SPAG16: variants seen among roughly 807,000 people sequenced by gnomAD.
SPAG16 encodes the protein sperm associated antigen 16.
In SPAG16, 86 loss-of-function variants were observed where a neutral mutation model predicts 80.4. The ratio of observed to expected loss-of-function variants is 1.07; its 90% CI spans 0.90 to 1.28. The LOEUF is 1.28. Ranked by LOEUF, SPAG16 falls within the 50% of genes most tolerant of loss-of-function variation. The pLI is 0.00. For synonymous variants in SPAG16, 294 were observed against 265.9 expected (o/e 1.11, Z -1.03); for missense variants, 870 against 765.3 (o/e 1.14, Z -1.61).
chr2:214,289,010 C>T (rs1300721141), intron 15 of SPAG16, among the ~76,000 whole-genome samples: 3 of 151,974 alleles, frequency 2.0e-5, no homozygotes, highest in Admixed American at 1.3e-4. Flanking sequence ...CCTCGTGATC[C>T]ACCTGCTTTG....
chr2:214,299,512 G>A (rs966750788), intron 15 of SPAG16, among the ~76,000 whole-genome samples: 3 of 151,998 alleles, frequency 2.0e-5, no homozygotes, highest in African/African-American at 7.2e-5. Flanking sequence ...CCTCAAAAGT[G>A]CTGGGATTAC....
At chr2:213,458,634 T>C (rs2072180622) in intron 9 of SPAG16, among the ~76,000 whole-genome samples, 1 of 152,196 alleles carries the variant, frequency 6.6e-6, no homozygotes, top group Non-Finnish European at 1.5e-5. Flanking sequence ...TTTCATTTTG[T>C]TTAAAAATGC....
intron 13 of SPAG16, among the ~76,000 whole-genome samples, chr2:214,040,464 G>T (rs147456748): frequency 5.3e-5 from 8 of 151,910 alleles, no homozygotes; most frequent in Non-Finnish European, 1.2e-4. Context: ...CAAAATCCCC[G>T]GTGTGTATTG....
At chr2:214,203,297 G>T (rs1378503422) in intron 15 of SPAG16, among the ~76,000 whole-genome samples, 2 of 152,042 alleles carry the variant, frequency 1.3e-5, no homozygotes, top group African/African-American at 4.8e-5. Context: ...TAAGTTGAAG[G>T]GGGGAAATGG....
intron 15 of SPAG16, among the ~76,000 whole-genome samples, chr2:214,153,182 A>G (rs1264249895): frequency 6.6e-6 from 1 of 151,974 alleles, no homozygotes; most frequent in African/African-American, 2.4e-5. Context: ...CCGCCTGGCA[A>G]TGGGTGTCTT....
chr2:213,833,103 C>T lies in SPAG16; in HGVS notation c.1071-29382C>T, dbSNP rs545332247. The stretch of plus-strand genomic sequence containing the variant: ...TCTTCCTTCATTTTAATTATTCTTT[C>T]TGGAAACCACACTTTTAATATATTT... On this transcript the variant is annotated intron_variant, in intron 10 of 15. Coordinates refer to ENST00000331683, the MANE Select transcript of SPAG16 (RefSeq NM_024532.5). 9.9e-5 allele frequency among the ~76,000 whole-genome samples: 15 copies of T among 151,718 alleles called. No homozygotes were observed. The East Asian group carries it at 2.9e-3, about 30-fold the overall frequency.
At chr2:214,348,848 C>T (rs1698222710) in intron 15 of SPAG16, among the ~76,000 whole-genome samples, 2 of 152,152 alleles carry the variant, frequency 1.3e-5, no homozygotes, top group African/African-American at 4.8e-5. Context: ...GTATAAGCCT[C>T]TAAGTTTTGG....
intron 10 of SPAG16, among the ~76,000 whole-genome samples, chr2:213,729,666 T>C (rs375571216): frequency 2.0e-5 from 3 of 152,344 alleles, no homozygotes; most frequent in African/African-American, 7.2e-5. Flanking sequence ...TAAGAATTTC[T>C]ACCGATTAAT....
Position 213,303,524 on chromosome 2 carries a change from A to G in SPAG16, c.279+6167A>G, listed in dbSNP as rs150661861. ...GACTATATTTTTGTACCCATTAACCATCCCCTCTCCCCTCCCCAGCCTCTG... is the reference window on the plus strand; with the variant it reads ...GACTATATTTTTGTACCCATTAACCGTCCCCTCTCCCCTCCCCAGCCTCTG... On this transcript the variant is annotated intron_variant, in intron 3 of 15. Transcript: ENST00000331683. Among the ~76,000 whole-genome samples the G allele has an allele frequency of 6.5e-4, 98 of 151,762 alleles. No individual in the cohort carries two copies. In the East Asian group the frequency reaches 0.018, roughly 28 times the overall value.
intron 10 of SPAG16, among the ~76,000 whole-genome samples, chr2:213,498,856 A>G (rs1395570606): frequency 6.6e-6 from 1 of 152,096 alleles, no homozygotes; most frequent in Non-Finnish European, 1.5e-5. Flanking sequence ...TATGTCCAAA[A>G]TGAGTTGTTC....
intron 14 of SPAG16, among the ~76,000 whole-genome samples, chr2:214,135,924 T>G (rs1465985673): frequency 6.6e-6 from 1 of 152,078 alleles, no homozygotes; most frequent in East Asian, 1.9e-4. Context: ...GAAAAGAGCT[T>G]TGGGTGGCTC....
At chr2:214,081,278 CTGTTGTTG>C (rs1398616197) in intron 13 of SPAG16, among the ~76,000 whole-genome samples, 1 of 152,112 alleles carries the variant, frequency 6.6e-6, no homozygotes, top group Admixed American at 6.6e-5. Context: ...AACAAAATCT[CTGTTGTTG>C]GTTGAATTGT....
chr2:213,840,742 C>T (rs2074320755), intron 10 of SPAG16, among the ~76,000 whole-genome samples: 2 of 152,002 alleles, frequency 1.3e-5, no homozygotes, highest in Admixed American at 1.3e-4. Flanking sequence ...ATGGGGGTGG[C>T]ATGGGTCTTC....
At chr2:214,065,317 C>A (rs772603682) in intron 13 of SPAG16, among the ~76,000 whole-genome samples, 1 of 151,956 alleles carries the variant, frequency 6.6e-6, no homozygotes, top group Non-Finnish European at 1.5e-5. Context: ...GACCTCAAAT[C>A]GATTATAAAT....
At chr2:213,721,647 T>C (rs1392322513) in intron 10 of SPAG16, among the ~76,000 whole-genome samples, 1 of 152,222 alleles carries the variant, frequency 6.6e-6, no homozygotes, top group Non-Finnish European at 1.5e-5. Flanking sequence ...TAGTTTTCAC[T>C]AGTCAGCACT....
At chr2:214,240,560 A>G (rs1322148823) in intron 15 of SPAG16, 14 of 152,222 alleles carry the variant, frequency 9.2e-5, no homozygotes, top group Admixed American at 8.5e-4. Context: ...CAGAATGACA[A>G]TCAAGATAGA....
At chr2:213,424,622 A>G (rs2125450995) in intron 9 of SPAG16, among the ~76,000 whole-genome samples, 1 of 152,322 alleles carries the variant, frequency 6.6e-6, no homozygotes, top group African/African-American at 2.4e-5. Flanking sequence ...ATTTTCTGCT[A>G]CCTTAATGAC....
At chr2:214,384,511 G>A (rs1470441453) in intron 15 of SPAG16, among the ~76,000 whole-genome samples, 1 of 152,160 alleles carries the variant, frequency 6.6e-6, no homozygotes, top group Non-Finnish European at 1.5e-5. Context: ...AAGGGAGGAA[G>A]GTCTGACAAA....
At chr2:214,311,885 A>C (rs1254647400) in intron 15 of SPAG16, among the ~76,000 whole-genome samples, 1 of 152,096 alleles carries the variant, frequency 6.6e-6, no homozygotes, top group African/African-American at 2.4e-5. Flanking sequence ...TGTATGCCCC[A>C]CTCTACATAG....
Sources: allele counts gnomAD v4.1 joint callset (sites outside exome capture counted in the v4.1 genomes callset), GRCh38; gene constraint gnomAD v4.1.1; transcripts MANE v1.5; gene names NCBI Gene and HGNC (gene_info 2026-07-23, HGNC 2026-07-21).